Variants in CDHR3 observed in about 807,000 individuals in gnomAD.
CDHR3 encodes the protein cadherin related family member 3.
In CDHR3, 79 loss-of-function variants were observed where a neutral mutation model predicts 86.6. The ratio of observed to expected loss-of-function variants is 0.91; its 90% CI spans 0.76 to 1.10. The LOEUF (loss-of-function observed/expected upper bound fraction) is 1.10, where lower values mean the gene tolerates loss of function less well. Among genes scored for constraint, CDHR3 ranks in the 50% least tolerant of loss-of-function variants. The pLI, the probability that CDHR3 is intolerant of heterozygous loss-of-function variation, is 0.00. For synonymous variants in CDHR3, 421 were observed against 402.4 expected (o/e 1.05, Z -0.55); for missense variants, 1,081 against 1,077.6 (o/e 1.00, Z -0.04).
Position 106,020,438 on chromosome 7 carries a change from G to A in CDHR3, c.1719G>A (p.Leu573=). The A allele has an allele frequency of 6.2e-7, 1 of 1,613,936 alleles. No individual in the cohort carries two copies. The highest frequency in any genetic ancestry group is 2.2e-5 in the East Asian group (1 of 44,884). The change falls in exon 13 of 19, where the codon CTG becomes CTA. Residue 573 remains leucine, a synonymous_variant. Coordinates refer to ENST00000317716, the MANE Select transcript of CDHR3 (RefSeq NM_152750.5). ...KPICTPNSYF[L]ALPVDLKVGT... is the part of the protein sequence containing the mutation. ...TTTGTACTCCAAACTCTTATTTCCTGGCCCTCCCAGTGGATCTGAAAGTTG... is the reference window on the plus strand; with the variant it reads ...TTTGTACTCCAAACTCTTATTTCCTAGCCCTCCCAGTGGATCTGAAAGTTG...
At chr7:105,997,465 CAGA>C (rs1370952273) in intron 6 of CDHR3, among the ~76,000 whole-genome samples, 16 of 152,164 alleles carry the variant, frequency 1.1e-4, no homozygotes, top group Non-Finnish European at 2.1e-4. Context: ...GGGTTAGGTT[CAGA>C]AGGAGAGCTC....
chr7:106,002,431 T>G (rs1833337059), intron 7 of CDHR3, among the ~76,000 whole-genome samples: 1 of 152,010 alleles, frequency 6.6e-6, no homozygotes, highest in South Asian at 2.1e-4. Context: ...AAGGTCCGTT[T>G]GTTCAGATTC....
chr7:106,015,633 C>T (rs1416461215), intron 10 of CDHR3, among the ~76,000 whole-genome samples: 2 of 152,198 alleles, frequency 1.3e-5, no homozygotes, highest in Non-Finnish European at 2.9e-5. Flanking sequence ...CATATGCCTA[C>T]AACACCCCCC....
chr7:105,970,359 C>A (rs1827759323), intron 1 of CDHR3, among the ~76,000 whole-genome samples: 1 of 152,216 alleles, frequency 6.6e-6, no homozygotes, highest in Non-Finnish European at 1.5e-5. Flanking sequence ...GTGAGCACAT[C>A]CTGCATCCAG....
intron 11 of CDHR3, among the ~76,000 whole-genome samples, chr7:106,017,332 G>A (rs1052260102): frequency 2.0e-5 from 3 of 152,016 alleles, no homozygotes; most frequent in Admixed American, 6.6e-5. Flanking sequence ...CGAGCTGGGC[G>A]GATCACTTGA....
chr7:105,967,819 A>G (rs1402722988), intron 1 of CDHR3, among the ~76,000 whole-genome samples: 3 of 151,920 alleles, frequency 2.0e-5, no homozygotes, highest in Non-Finnish European at 2.9e-5. Flanking sequence ...TTTTTCTTGT[A>G]AATTTGTTTT....
intron 8 of CDHR3, among the ~76,000 whole-genome samples, chr7:106,008,305 A>C (rs1834253917): frequency 6.6e-6 from 1 of 152,078 alleles, no homozygotes; most frequent in Non-Finnish European, 1.5e-5. Flanking sequence ...TCTCTTTGTG[A>C]GCTGGGTGCA....
At chr7:105,970,381 A>C (rs1219234649) in intron 1 of CDHR3, among the ~76,000 whole-genome samples, 6 of 152,230 alleles carry the variant, frequency 3.9e-5, no homozygotes, top group Non-Finnish European at 8.8e-5. Flanking sequence ...TCTTAGCCAC[A>C]AGCAAGATGT....
intron 1 of CDHR3, among the ~76,000 whole-genome samples, chr7:105,968,931 A>G (rs1827417421): frequency 6.6e-6 from 1 of 151,296 alleles, no homozygotes; most frequent in African/African-American, 2.4e-5. Context: ...TACTAAAAAT[A>G]CAAAAAGTTA....
chr7:105,964,992 G>A (rs79125186), intron 1 of CDHR3, among the ~76,000 whole-genome samples: 2,509 of 152,128 alleles, frequency 0.016, 28 homozygotes, highest in Non-Finnish European at 0.023. Context: ...GAAAGAGTGA[G>A]GTTAGGAAGA....
chr7:105,965,028 T>C (rs1329605064), intron 1 of CDHR3, among the ~76,000 whole-genome samples: 1 of 152,200 alleles, frequency 6.6e-6, no homozygotes, highest in Non-Finnish European at 1.5e-5. Context: ...CTGAACACTA[T>C]CATTTGGAAT....
At chr7:105,983,082 C>T (rs566299139) in intron 3 of CDHR3, among the ~76,000 whole-genome samples, 172 of 152,138 alleles carry the variant, frequency 1.1e-3, no homozygotes, top group Non-Finnish European at 1.9e-3. Context: ...CCAACTCACA[C>T]TTCCTTCCCC....
chr7:105,965,127 G>A (rs971864940), intron 1 of CDHR3, among the ~76,000 whole-genome samples: 1 of 152,112 alleles, frequency 6.6e-6, no homozygotes, highest in Non-Finnish European at 1.5e-5. Flanking sequence ...GAATCCCTTA[G>A]GTCAAATCTT....
intron 6 of CDHR3, among the ~76,000 whole-genome samples, chr7:106,001,029 G>A (rs1198925344): frequency 5.9e-5 from 9 of 152,078 alleles, no homozygotes; most frequent in African/African-American, 1.9e-4. Flanking sequence ...GAGGGAACCC[G>A]CAGCTCTGGA....
intron 3 of CDHR3, among the ~76,000 whole-genome samples, chr7:105,982,479 AAG>A (rs1491094998): frequency 1.5e-4 from 22 of 148,842 alleles, no homozygotes; most frequent in Non-Finnish European, 3.0e-4. Context: ...AAAAAAAAAA[AAG>A]AAAAAAAAAA....
intron 9 of CDHR3, among the ~76,000 whole-genome samples, chr7:106,013,747 A>G (rs547090646): frequency 1.3e-5 from 2 of 151,824 alleles, no homozygotes; most frequent in East Asian, 3.9e-4. Flanking sequence ...AGAACATCTC[A>G]CCCAGTTTAT....
At chr7:105,970,143 G>C (rs1827723258) in intron 1 of CDHR3, among the ~76,000 whole-genome samples, 4 of 152,102 alleles carry the variant, frequency 2.6e-5, no homozygotes, top group Admixed American at 2.6e-4. Context: ...ATTGAAAGCA[G>C]AGCTCTAAGT....
In CDHR3 at chr7:106,001,588, C is replaced by G. The variant is rs770857376; in HGVS notation, c.840C>G (p.Ser280Arg). 7.4e-6 allele frequency: 12 copies of G among 1,613,844 alleles called. No homozygotes were observed. Among genetic ancestry groups the G allele is most frequent in the Non-Finnish European group, 9.3e-6 (11 of 1,179,890 alleles). The change falls in exon 7 of 19, where the codon AGC becomes AGG. Residue 280 changes from serine (S) to arginine (R), a missense_variant. Transcript: ENST00000317716. ...TCCTCTACAGCATTACCACTGTTAG[C>G]AAATATTTCATGATAAATCAGTGTA... ...SHLLYSITTV[S>R]KYFMINQLTG...
In CDHR3 at chr7:106,020,486, G is replaced by A. The variant is rs376967166; in HGVS notation, c.1767G>A (p.Lys589=). The part of the protein sequence containing the change: ...LKVGTNIQNF[K]LTCTDLDSSP... The stretch of plus-strand genomic sequence containing the variant: ...TTGGCACAAATATTCAGAATTTCAA[G>A]CTGACATGTACCGACCTTGATTCCA... Residue 589 remains lysine (K), a synonymous_variant, in exon 13 of 19, where the codon AAG becomes AAA. Transcript: ENST00000317716. 25 of 1,613,862 alleles carry A rather than the reference G, an allele frequency of 1.5e-5. No homozygotes were observed. The highest frequency in any genetic ancestry group is 1.9e-5 in the Non-Finnish European group (23 of 1,179,894).
Sources: gnomAD v4.1 joint callset for allele counts (sites outside exome capture counted in the v4.1 genomes callset) on GRCh38, gnomAD v4.1.1 for gene constraint, MANE v1.5 for transcripts, NCBI Gene and HGNC (gene_info 2026-07-23, HGNC 2026-07-21) for gene names.